The following TBX5 variants were observed in gnomAD, a reference collection of about 807,000 sequenced individuals.
The protein encoded by TBX5 is T-box transcription factor TBX5.
A neutral mutation model predicts 51.1 loss-of-function variants in TBX5; 8 were observed. The observed-to-expected ratio is 0.16, with a 90% CI of 0.09 to 0.28. The LOEUF is 0.28. Ranked by LOEUF, TBX5 falls within the 10% of genes least tolerant of loss-of-function variation. The pLI, the probability that TBX5 is intolerant of heterozygous loss-of-function variation, is 1.00. For synonymous variants in TBX5, 302 were observed against 266.4 expected (o/e 1.13, Z -1.30); for missense variants, 589 against 671.7 (o/e 0.88, Z 1.36).
intron 7 of TBX5, among the ~76,000 whole-genome samples, chr12:114,373,469 G>A (rs767534889): frequency 2.6e-5 from 4 of 152,174 alleles, no homozygotes; most frequent in Non-Finnish European, 4.4e-5. Flanking sequence ...GTTTGTTTGT[G>A]TTTGTTTTTG....
intron 8 of TBX5, among the ~76,000 whole-genome samples, chr12:114,361,966 C>T (rs1033484481): frequency 1.3e-5 from 2 of 152,068 alleles, no homozygotes; most frequent in African/African-American, 4.8e-5. Flanking sequence ...CACCCTGAGC[C>T]CACAGGCCTC....
chr12:114,401,672 GCT>G (rs918326985), intron 3 of TBX5, among the ~76,000 whole-genome samples, 152 bp downstream of exon 3: 2 of 151,752 alleles, frequency 1.3e-5, no homozygotes, highest in Non-Finnish European at 2.9e-5. Flanking sequence ...TCTATCTTTC[GCT>G]CTCTCTCTCC....
chr12:114,373,248 G>A (rs112630280), intron 7 of TBX5, among the ~76,000 whole-genome samples: 192 of 152,136 alleles, frequency 1.3e-3, no homozygotes, highest in African/African-American at 4.3e-3. Flanking sequence ...GAGATGGTTC[G>A]GAAATCATGG....
chr12:114,400,053 C>T (rs1871710891), intron 3 of TBX5, among the ~76,000 whole-genome samples: 1 of 152,190 alleles, frequency 6.6e-6, no homozygotes. Context: ...CCAGGTGCTT[C>T]CGCCGATCCT....
intron 8 of TBX5, 111 bp from the exon 9 acceptor site, chr12:114,356,217 G>A (rs1868908136): frequency 9.8e-7 from 1 of 1,019,552 alleles, no homozygotes; most frequent in South Asian, 1.3e-5. Flanking sequence ...GAGACTGTTA[G>A]CCCTAACCGC....
chr12:114,406,949 G>C (rs1872269356), upstream of TBX5: 1 of 635,366 alleles, frequency 1.6e-6, no homozygotes, highest in African/African-American at 2.0e-5. Context: ...CCGAATATTG[G>C]TGCTTGGAGT....
intron 6 of TBX5, among the ~76,000 whole-genome samples, chr12:114,389,906 G>A (rs1871066589): frequency 6.6e-6 from 1 of 151,458 alleles, no homozygotes; most frequent in South Asian, 2.1e-4. Flanking sequence ...CTCAGCATGA[G>A]AATTAGTGCT....
Position 114,355,530 on chromosome 12 carries a change from C to G in TBX5, c.*2G>C, listed in dbSNP as rs1214424313. On this transcript the variant is annotated 3_prime_UTR_variant, in exon 9 of 9. Transcript: ENST00000405440. The stretch of plus-strand genomic sequence containing the variant: ...AATGTCTGTTGTGAAGCAGGCCTCA[C>G]TTTAGCTATTGTCGCTCCACTCTGG... The G allele has an allele frequency of 6.2e-7, 1 of 1,613,986 alleles. No individual in the cohort carries two copies. The highest frequency in any genetic ancestry group is 1.7e-5 in the Admixed American group (1 of 59,996).
intron 4 of TBX5, 143 bp downstream of exon 4, chr12:114,399,370 G>T: frequency 8.4e-7 from 1 of 1,194,990 alleles, no homozygotes; most frequent in East Asian, 2.4e-5. Context: ...TTAGTAAAAA[G>T]CAATGGGATA....
At chr12:114,396,305 C>A (rs1398158217) in intron 5 of TBX5, among the ~76,000 whole-genome samples, 1 of 151,896 alleles carries the variant, frequency 6.6e-6, no homozygotes, top group East Asian at 2.0e-4. Flanking sequence ...GCAGCGGGGC[C>A]CCGCTGGCCG....
At chr12:114,390,536 G>C (rs1871096488) in intron 6 of TBX5, among the ~76,000 whole-genome samples, 1 of 152,146 alleles carries the variant, frequency 6.6e-6, no homozygotes, top group South Asian at 2.1e-4. Flanking sequence ...GTGAATTCTT[G>C]CTTTTGAAAA....
intron 7 of TBX5, among the ~76,000 whole-genome samples, chr12:114,369,259 G>A (rs546742922): frequency 1.8e-3 from 277 of 152,300 alleles, no homozygotes; most frequent in African/African-American, 6.1e-3. Flanking sequence ...AATGGACTCC[G>A]TGGAATTCTC....
chr12:114,363,669 C>T (rs766705573), intron 8 of TBX5, among the ~76,000 whole-genome samples: 12 of 152,152 alleles, frequency 7.9e-5, no homozygotes, highest in East Asian at 3.9e-4. Context: ...GAAATGCACA[C>T]GTATAGAATC....
chr12:114,387,234 G>A (rs1870867885), intron 6 of TBX5, among the ~76,000 whole-genome samples: 2 of 151,880 alleles, frequency 1.3e-5, no homozygotes, highest in Non-Finnish European at 2.9e-5. Context: ...TTGAGAAACT[G>A]TGCTTGATAA....
chr12:114,395,500 T>G (rs1216567268), intron 5 of TBX5, among the ~76,000 whole-genome samples: 8 of 152,092 alleles, frequency 5.3e-5, no homozygotes, highest in African/African-American at 1.7e-4. Context: ...GCAGAGTTCG[T>G]GAAAAGAGAA....
At chr12:114,393,886 C>A (rs1353040924) in intron 6 of TBX5, among the ~76,000 whole-genome samples, 1 of 152,206 alleles carries the variant, frequency 6.6e-6, no homozygotes, top group Admixed American at 6.5e-5. Context: ...GCTCTGTTTT[C>A]ATTTTAACAA....
intron 6 of TBX5, among the ~76,000 whole-genome samples, chr12:114,390,063 C>G (rs189754985): frequency 1.3e-5 from 2 of 152,164 alleles, no homozygotes; most frequent in Non-Finnish European, 1.5e-5. Context: ...GTTACCCAAT[C>G]TTGCACTTAC....
chr12:114,361,709 G>T (rs1347033831), intron 8 of TBX5, among the ~76,000 whole-genome samples: 1 of 152,128 alleles, frequency 6.6e-6, no homozygotes, highest in East Asian at 1.9e-4. Context: ...GGGGCCAGGG[G>T]GAAAACCACC....
intron 7 of TBX5, among the ~76,000 whole-genome samples, chr12:114,367,349 A>G (rs1171578105): frequency 1.3e-5 from 2 of 152,132 alleles, no homozygotes; most frequent in Non-Finnish European, 2.9e-5. Context: ...CTGTGTGTCC[A>G]TCTGACACAC....
Sources: allele counts gnomAD v4.1 joint callset (sites outside exome capture counted in the v4.1 genomes callset), GRCh38; gene constraint gnomAD v4.1.1; transcripts MANE v1.5; gene names NCBI Gene and HGNC (gene_info 2026-07-23, HGNC 2026-07-21).